The following RAB8B variants were observed in gnomAD, a reference collection of about 807,000 sequenced individuals.
RAB8B encodes the protein ras-related protein Rab-8B.
In RAB8B, 11 loss-of-function variants were observed where a neutral mutation model predicts 32.0. That is an observed-to-expected ratio of 0.34 (90% CI 0.22 to 0.57). RAB8B has a LOEUF of 0.57. Ranked by LOEUF, RAB8B falls within the 20% of genes least tolerant of loss-of-function variation. The pLI is 0.86. For missense variants in RAB8B, 190 were observed against 258.5 expected (o/e 0.73, Z 1.82); for synonymous variants, 103 against 89.6 (o/e 1.15, Z -0.85).
chr15:63,202,272 C>T (rs578106467), intron 1 of RAB8B, among the ~76,000 whole-genome samples: 35 of 112,652 alleles, frequency 3.1e-4, no homozygotes, highest in East Asian at 1.7e-3. Flanking sequence ...AGCGAGACTC[C>T]GTCTCAAAAA....
chr15:63,251,809 C>G (rs892009292), intron 3 of RAB8B, among the ~76,000 whole-genome samples: 21 of 152,256 alleles, frequency 1.4e-4, no homozygotes, highest in African/African-American at 5.1e-4. Context: ...TCAGGAAATC[C>G]TGCTGTGCCT....
intron 1 of RAB8B, among the ~76,000 whole-genome samples, chr15:63,206,150 A>ATT (rs2037696302): frequency 6.6e-6 from 1 of 152,326 alleles, no homozygotes; most frequent in Admixed American, 6.5e-5. Flanking sequence ...AGGATGTGTA[A>ATT]TTATCACCTA....
At chr15:63,233,055 C>CTTTTTTTTTTTTTTT (rs752891283) in intron 1 of RAB8B, among the ~76,000 whole-genome samples, 1 of 141,516 alleles carries the variant, frequency 7.1e-6, no homozygotes. Context: ...AAGTAGCATT[C>CTTTTTTTTTTTTTTT]TTTTTTTTTT....
chr15:63,255,779 C>T (rs920315001), intron 4 of RAB8B, among the ~76,000 whole-genome samples, 195 bp downstream of exon 4: 12 of 152,212 alleles, frequency 7.9e-5, no homozygotes, highest in African/African-American at 2.9e-4. Context: ...AGAGAAGTAA[C>T]GTCACAAGAT....
intron 1 of RAB8B, among the ~76,000 whole-genome samples, chr15:63,223,555 A>G (rs1298302720): frequency 1.3e-5 from 2 of 152,258 alleles, no homozygotes; most frequent in African/African-American, 4.8e-5. Context: ...GCCTAGGAGC[A>G]ATAAACAGGC....
At chr15:63,205,043 T>C (rs1285921726) in intron 1 of RAB8B, among the ~76,000 whole-genome samples, 1 of 150,694 alleles carries the variant, frequency 6.6e-6, no homozygotes, top group Non-Finnish European at 1.5e-5. Flanking sequence ...CATGCCTGTA[T>C]TCCCAGCACT....
At position 63,249,949 on chromosome 15, in the gene RAB8B, A is replaced by G. The variant is rs371283178; in HGVS notation, c.246+244A>G. On this transcript the variant is annotated intron_variant, in intron 3 of 7. Transcript: ENST00000321437. ...CAGGAGATCGAGACCATCCTGGCTA[A>G]CAAGGTGAAACCCCGTCTCTACTAA... Among the ~76,000 whole-genome samples the G allele has an allele frequency of 8.0e-4, 122 of 151,704 alleles. 1 individual carries two copies. In the South Asian group the frequency reaches 0.023, roughly 28 times the overall value.
intron 1 of RAB8B, among the ~76,000 whole-genome samples, chr15:63,193,182 A>C (rs576491341): frequency 6.6e-6 from 1 of 152,222 alleles, no homozygotes; most frequent in South Asian, 2.1e-4. Flanking sequence ...GTAAGCTATG[A>C]TTGCACCACT....
intron 1 of RAB8B, among the ~76,000 whole-genome samples, chr15:63,195,983 AC>A (rs2037596741): frequency 6.6e-6 from 1 of 152,146 alleles, no homozygotes; most frequent in African/African-American, 2.4e-5. Flanking sequence ...AGGGGAGTGG[AC>A]CCAGAATGGG....
chr15:63,221,940 G>C (rs1390830675), intron 1 of RAB8B, among the ~76,000 whole-genome samples: 3 of 152,138 alleles, frequency 2.0e-5, no homozygotes, highest in Admixed American at 2.0e-4. Flanking sequence ...GCTTGTAACA[G>C]TCACATATTT....
intron 1 of RAB8B, among the ~76,000 whole-genome samples, chr15:63,219,825 G>T (rs1432175557): frequency 6.6e-6 from 1 of 152,128 alleles, no homozygotes; most frequent in Non-Finnish European, 1.5e-5. Flanking sequence ...TTCCACTGCT[G>T]GCTTAACTGG....
At chr15:63,241,627 A>G (rs760416199) in intron 1 of RAB8B, among the ~76,000 whole-genome samples, 17 of 152,196 alleles carry the variant, frequency 1.1e-4, no homozygotes, top group Non-Finnish European at 1.5e-4. Context: ...CCCTCCTTCC[A>G]GATCCTGGTA....
chr15:63,240,253 T>A (rs1369250494), intron 1 of RAB8B, among the ~76,000 whole-genome samples: 1 of 152,168 alleles, frequency 6.6e-6, no homozygotes. Context: ...GGGAGAGATG[T>A]TGGCACAGTA....
At chr15:63,258,797 A>T (rs1201755221) in intron 5 of RAB8B, among the ~76,000 whole-genome samples, 3 of 152,164 alleles carry the variant, frequency 2.0e-5, no homozygotes, top group Non-Finnish European at 4.4e-5. Context: ...GGATGAAATG[A>T]AGTTACAAAG....
intron 1 of RAB8B, among the ~76,000 whole-genome samples, chr15:63,221,274 T>C (rs1470076885): frequency 6.6e-6 from 1 of 152,202 alleles, no homozygotes; most frequent in Non-Finnish European, 1.5e-5. Flanking sequence ...TGGGTAATTG[T>C]AGAGTTACAT....
intron 1 of RAB8B, among the ~76,000 whole-genome samples, chr15:63,208,459 G>C (rs2037717824): frequency 6.6e-6 from 1 of 152,090 alleles, no homozygotes; most frequent in African/African-American, 2.4e-5. Flanking sequence ...TAGAATTCTT[G>C]CTATTTTTTT....
chr15:63,217,751 G>A (rs777076892), intron 1 of RAB8B, among the ~76,000 whole-genome samples: 1 of 152,150 alleles, frequency 6.6e-6, no homozygotes, highest in Non-Finnish European at 1.5e-5. Context: ...AAAGTAAAAC[G>A]TGATAAAGAC....
intron 1 of RAB8B, among the ~76,000 whole-genome samples, chr15:63,208,585 C>G (rs1764614582): frequency 6.6e-6 from 1 of 152,144 alleles, no homozygotes; most frequent in Non-Finnish European, 1.5e-5. Context: ...GCACATTTTA[C>G]TAATTCACAA....
At chr15:63,211,524 T>C (rs2037746353) in intron 1 of RAB8B, among the ~76,000 whole-genome samples, 1 of 152,224 alleles carries the variant, frequency 6.6e-6, no homozygotes, top group Non-Finnish European at 1.5e-5. Context: ...GAGAGAGCCA[T>C]AGTTTGATAT....
Sources: allele counts gnomAD v4.1 joint callset (sites outside exome capture counted in the v4.1 genomes callset), GRCh38; gene constraint gnomAD v4.1.1; transcripts MANE v1.5; gene names NCBI Gene and HGNC (gene_info 2026-07-23, HGNC 2026-07-21).